The following DNAJC3 variants were observed in gnomAD, a reference collection of about 807,000 sequenced individuals.
DNAJC3 encodes the protein dnaJ homolog subfamily C member 3.
In DNAJC3, 38 loss-of-function variants were observed where a neutral mutation model predicts 68.6. The ratio of observed to expected loss-of-function variants is 0.55; its 90% confidence interval spans 0.43 to 0.73. The LOEUF (loss-of-function observed/expected upper bound fraction) is 0.73. Among genes scored for constraint, DNAJC3 ranks in the 30% least tolerant of loss-of-function variants. DNAJC3 has a pLI of 0.00. For synonymous variants in DNAJC3, 203 were observed against 204.0 expected, an observed-to-expected ratio of 1.00 and a Z score of 0.04; for missense variants, 526 against 591.9, an observed-to-expected ratio of 0.89 and a Z score of 1.16.
At chr13:95,692,838 T>C (rs1434530897) in intron 1 of DNAJC3, 1 of 148,866 alleles carries the variant, frequency 6.7e-6, no homozygotes, top group Non-Finnish European at 1.5e-5. Context: ...TTTTTTTTTT[T>C]GAGACGGAGT....
chr13:95,712,835 C>T (rs1162312193), intron 2 of DNAJC3, among the ~76,000 whole-genome samples: 1 of 151,966 alleles, frequency 6.6e-6, no homozygotes, highest in African/African-American at 2.4e-5. Flanking sequence ...TGGAAAGGAC[C>T]CAGTGGGAAG....
At chr13:95,744,709 A>C (rs1882251624) in intron 4 of DNAJC3, 4 of 152,244 alleles carry the variant, frequency 2.6e-5, no homozygotes, top group Admixed American at 2.6e-4. Flanking sequence ...AACATATTAA[A>C]AAATTGATTA....
chr13:95,698,552 T>TC (rs1290711701), intron 1 of DNAJC3, among the ~76,000 whole-genome samples: 1 of 152,200 alleles, frequency 6.6e-6, no homozygotes, highest in African/African-American at 2.4e-5. Flanking sequence ...TGTGATGTGT[T>TC]CCCTGTCACA....
At chr13:95,749,507 A>T (rs1335938270) in intron 4 of DNAJC3, among the ~76,000 whole-genome samples, 5 of 152,200 alleles carry the variant, frequency 3.3e-5, no homozygotes, top group Admixed American at 1.3e-4. Flanking sequence ...GGAACTACTG[A>T]CTTTTAGGAT....
At chr13:95,761,300 T>G (rs1594012128) in intron 7 of DNAJC3, among the ~76,000 whole-genome samples, 1 of 152,234 alleles carries the variant, frequency 6.6e-6, no homozygotes, top group East Asian at 1.9e-4. Flanking sequence ...ATTTAAATCC[T>G]AATCCTAAAG....
intron 2 of DNAJC3, among the ~76,000 whole-genome samples, chr13:95,712,404 C>T (rs369083787): frequency 7.0e-5 from 10 of 143,446 alleles, no homozygotes; most frequent in East Asian, 2.0e-4. Flanking sequence ...GGCAGAGTCT[C>T]GCTGTGTCAC....
intron 1 of DNAJC3, among the ~76,000 whole-genome samples, chr13:95,705,938 A>G (rs2139621797): frequency 6.6e-6 from 1 of 152,344 alleles, no homozygotes; most frequent in Middle Eastern, 3.4e-3. Context: ...TGATAAATCC[A>G]GTCCAACCTT....
chr13:95,757,838 T>C (rs1882709885), intron 5 of DNAJC3, 42 bp downstream of exon 5: 8 of 1,479,770 alleles, frequency 5.4e-6, no homozygotes, highest in African/African-American at 1.4e-5. Context: ...CTGACACTTA[T>C]TGTAAGGCAC....
At chr13:95,747,109 CATTTA>C (rs1882327895) in intron 4 of DNAJC3, among the ~76,000 whole-genome samples, 2 of 152,156 alleles carry the variant, frequency 1.3e-5, no homozygotes, top group African/African-American at 4.8e-5. Flanking sequence ...TAACTTAGAT[CATTTA>C]ATTTGTCTTT....
At position 95,790,983 on chromosome 13, in the gene DNAJC3, C is replaced by T. The variant is rs1478582346; in HGVS notation, c.1468C>T (p.Pro490Ser). 6.2e-7 allele frequency: 1 copy of T among 1,613,498 alleles called. No individual in the cohort carries two copies. Among genetic ancestry groups the T allele is most frequent in the Non-Finnish European group, 8.5e-7 (1 of 1,179,870 alleles). The change falls in exon 12 of 12, where the codon CCC becomes TCC. Residue 490 changes from proline to serine, a missense_variant. Physicochemically the swap from Pro to Ser is moderately conservative, Grantham distance 74. Coordinates refer to ENST00000602402, the MANE Select transcript of DNAJC3 (RefSeq NM_006260.5). ...RSWNSWQGFNPFSSGGPFRFK... is the reference protein window; with the variant it reads ...RSWNSWQGFNSFSSGGPFRFK... ...CTGGAACTCATGGCAAGGGTTCAAT[C>T]CCTTCAGCTCAGGCGGACCATTTAG... is the stretch of plus-strand genomic sequence containing the variant.
intron 1 of DNAJC3, among the ~76,000 whole-genome samples, chr13:95,706,718 G>A (rs2139622435): frequency 6.6e-6 from 1 of 152,262 alleles, no homozygotes; most frequent in African/African-American, 2.4e-5. Flanking sequence ...ACGGACTTGG[G>A]GGTTCAAGTT....
intron 1 of DNAJC3, among the ~76,000 whole-genome samples, chr13:95,689,422 A>G (rs537996351): frequency 6.8e-6 from 1 of 146,208 alleles, no homozygotes; most frequent in African/African-American, 2.5e-5. Context: ...GATGTTTTGT[A>G]TTTTCTGTGG....
chr13:95,709,776 A>G (rs1356097901), intron 2 of DNAJC3, among the ~76,000 whole-genome samples: 1 of 151,758 alleles, frequency 6.6e-6, no homozygotes, highest in Non-Finnish European at 1.5e-5. Flanking sequence ...AGTAGCTGGG[A>G]CTACACGCGC....
intron 1 of DNAJC3, among the ~76,000 whole-genome samples, chr13:95,705,619 C>T (rs1406792669): frequency 6.6e-6 from 1 of 151,804 alleles, no homozygotes; most frequent in Non-Finnish European, 1.5e-5. Flanking sequence ...ACTTGAACTC[C>T]TGGGCTCAAA....
chr13:95,769,872 T>C (rs1883112003), intron 9 of DNAJC3, among the ~76,000 whole-genome samples: 1 of 152,222 alleles, frequency 6.6e-6, no homozygotes, highest in Non-Finnish European at 1.5e-5. Context: ...CTCCCTCTGG[T>C]GCCAACTCTG....
intron 1 of DNAJC3, among the ~76,000 whole-genome samples, chr13:95,688,953 T>C (rs1168081635): frequency 1.2e-4 from 18 of 150,848 alleles, no homozygotes; most frequent in Admixed American, 1.1e-3. Context: ...TGTGTGTGTG[T>C]GTGTGTGTGT....
At chr13:95,681,629 C>T (rs1397300932) in intron 1 of DNAJC3, among the ~76,000 whole-genome samples, 1 of 152,224 alleles carries the variant, frequency 6.6e-6, no homozygotes, top group Non-Finnish European at 1.5e-5. Context: ...GTTGAGATTA[C>T]AGGCACGAGC....
chr13:95,710,456 C>T (rs770823364), intron 2 of DNAJC3, among the ~76,000 whole-genome samples: 4 of 152,022 alleles, frequency 2.6e-5, no homozygotes, highest in African/African-American at 7.2e-5. Flanking sequence ...GTCTGAAACT[C>T]GTGGGCTCAA....
At chr13:95,688,831 G>T (rs759066552) in intron 1 of DNAJC3, among the ~76,000 whole-genome samples, 3 of 151,856 alleles carry the variant, frequency 2.0e-5, no homozygotes, top group Non-Finnish European at 2.9e-5. Flanking sequence ...GATCATACGG[G>T]TTTTGTTTTT....
Sources: allele counts gnomAD v4.1 joint callset (sites outside exome capture counted in the v4.1 genomes callset), GRCh38; gene constraint gnomAD v4.1.1; transcripts MANE v1.5; gene names NCBI Gene and HGNC (gene_info 2026-07-23, HGNC 2026-07-21).